The following RASA3 variants were observed in gnomAD, a reference collection of about 807,000 sequenced individuals.
The protein encoded by RASA3 is RAS p21 protein activator 3.
Under a neutral mutation model 110.0 loss-of-function variants are expected in RASA3, and 73 were observed. That is an observed-to-expected ratio of 0.66 (90% CI 0.55 to 0.81). The LOEUF (loss-of-function observed/expected upper bound fraction) is 0.81. RASA3 is among the 30% of genes least tolerant of loss of function. RASA3 has a pLI of 0.00. For synonymous variants in RASA3, 500 were observed against 451.4 expected (o/e 1.11, Z -1.37); for missense variants, 976 against 1,113.2 (o/e 0.88, Z 1.75).
chr13:114,087,564 C>A (rs1190459322), intron 1 of RASA3, among the ~76,000 whole-genome samples: 1 of 152,254 alleles, frequency 6.6e-6, no homozygotes, highest in Non-Finnish European at 1.5e-5. Context: ...CCTGCACCCG[C>A]TCTGCAGCCC....
chr13:113,983,161 C>T (rs61967984), intron 22 of RASA3, among the ~76,000 whole-genome samples: 19,244 of 139,968 alleles, frequency 0.14, 1,692 homozygotes, highest in Middle Eastern at 0.21. Context: ...GCTGGGGGCT[C>T]GGGAGAGGAG....
chr13:114,104,018 C>T (rs1232943010), intron 1 of RASA3, among the ~76,000 whole-genome samples: 1 of 52,236 alleles, frequency 1.9e-5, no homozygotes, highest in African/African-American at 6.6e-5. Flanking sequence ...TTCACACTGC[C>T]CCCGGCCACA....
At chr13:114,043,896 CCG>C (rs1210841779) in intron 3 of RASA3, among the ~76,000 whole-genome samples, 7 of 22,264 alleles carry the variant, frequency 3.1e-4, no homozygotes, top group Non-Finnish European at 5.0e-4. Context: ...CTGAGCCCCC[CCG>C]CCCCGCCTCA....
chr13:114,055,988 A>G (rs1418605653), intron 2 of RASA3, among the ~76,000 whole-genome samples: 5 of 152,204 alleles, frequency 3.3e-5, no homozygotes, highest in African/African-American at 7.2e-5. Flanking sequence ...GACGCCCTCC[A>G]TTGGCACAAA....
At chr13:114,032,429 C>T (rs1346633326) in intron 4 of RASA3, among the ~76,000 whole-genome samples, 2 of 152,156 alleles carry the variant, frequency 1.3e-5, no homozygotes, top group African/African-American at 2.4e-5. Flanking sequence ...CATACGGCCT[C>T]CATGTACTGA....
Position 114,027,915 on chromosome 13 carries a change from G to A in RASA3, c.462C>T (p.Cys154=). 1.2e-6 allele frequency: 2 copies of A among 1,613,646 alleles called. No individual in the cohort carries two copies. The highest frequency in any genetic ancestry group is 8.5e-7 in the Non-Finnish European group (1 of 1,179,764). The part of the protein sequence containing the change: ...CHKLATRIVE[C]QGLPIVNGQC... The stretch of plus-strand genomic sequence containing the variant: ...GCCCATTCACGATGGGGAGGCCCTG[G>A]CACTCGACGATGCTGAGGAGAGAAG... The change falls in exon 6 of 24, where the codon TGC becomes TGT. Residue 154 remains cysteine, a synonymous_variant. Transcript: ENST00000334062.
At chr13:114,045,726 T>C (rs2079042957) in intron 3 of RASA3, among the ~76,000 whole-genome samples, 1 of 152,234 alleles carries the variant, frequency 6.6e-6, no homozygotes. Flanking sequence ...ACTGCGTTTG[T>C]ACATACAAGC....
chr13:114,016,630 C>T (rs971588219), intron 12 of RASA3, among the ~76,000 whole-genome samples: 4 of 152,212 alleles, frequency 2.6e-5, no homozygotes, highest in Admixed American at 6.5e-5. Context: ...CGCGATCAGA[C>T]GAATCGGGCT....
At chr13:114,099,526 T>C (rs2079995121) in intron 1 of RASA3, among the ~76,000 whole-genome samples, 2 of 151,312 alleles carry the variant, frequency 1.3e-5, no homozygotes, top group African/African-American at 2.4e-5. Context: ...ACACAGCGCG[T>C]CTCCCTCCTT....
At position 114,091,686 on chromosome 13, in the gene RASA3, C is replaced by T. The variant is rs191366901; in HGVS notation, c.56-17849G>A. 3.5e-3 allele frequency among the ~76,000 whole-genome samples: 538 copies of T among 151,660 alleles called. 5 individuals are homozygous for T. Among genetic ancestry groups the T allele is most frequent in the Non-Finnish European group, 2.5e-3 (172 of 67,964 alleles). ...CTTTAGTTTTCTTTTTGTGTTGTGTCCTTGTCTGGTTTGGGTATCAGGTAA... is the reference window on the plus strand; with the variant it reads ...CTTTAGTTTTCTTTTTGTGTTGTGTTCTTGTCTGGTTTGGGTATCAGGTAA... On this transcript the variant is annotated intron_variant, in intron 1 of 23. Coordinates refer to ENST00000334062, the MANE Select transcript of RASA3 (RefSeq NM_007368.4).
chr13:114,021,729 G>A (rs2053930889), intron 8 of RASA3, among the ~76,000 whole-genome samples: 1 of 152,212 alleles, frequency 6.6e-6, no homozygotes. Flanking sequence ...GGCAGGCAGA[G>A]GAAGGCGGAA....
At chr13:113,990,816 CAT>C (rs2053091839) in intron 22 of RASA3, among the ~76,000 whole-genome samples, 1 of 152,262 alleles carries the variant, frequency 6.6e-6, no homozygotes, top group African/African-American at 2.4e-5. Flanking sequence ...TCTGCACACA[CAT>C]GTACCTGTAT....
chr13:114,059,431 G>A (rs1286019806), intron 2 of RASA3, among the ~76,000 whole-genome samples: 2 of 151,472 alleles, frequency 1.3e-5, no homozygotes, highest in African/African-American at 4.8e-5. Context: ...AGGTACCCAG[G>A]AGGCACAGGT....
chr13:114,115,514 C>T lies in RASA3; in HGVS notation c.55+16921G>A, dbSNP rs757681994. On this transcript the variant is annotated intron_variant, in intron 1 of 23. Coordinates refer to ENST00000334062, the MANE Select transcript of RASA3 (RefSeq NM_007368.4). The surrounding 1 kb of genome is among the most constrained non-coding windows in gnomAD (Gnocchi z 5.0). ...TGATTCATTAATACTCACTTCCTGTCGCAAGAGACTCATGCCCTAGAGATA... is the reference window on the plus strand; with the variant it reads ...TGATTCATTAATACTCACTTCCTGTTGCAAGAGACTCATGCCCTAGAGATA... Among the ~76,000 whole-genome samples, 42 of 152,216 alleles carry T rather than the reference C, an allele frequency of 2.8e-4. No homozygotes were observed. Among genetic ancestry groups the T allele is most frequent in the Admixed American group, 1.5e-3 (23 of 15,286 alleles).
At chr13:113,980,381 G>T (rs1380144461) in intron 23 of RASA3, among the ~76,000 whole-genome samples, 1 of 120,452 alleles carries the variant, frequency 8.3e-6, no homozygotes, top group African/African-American at 3.2e-5. Flanking sequence ...CCGTGTGTGT[G>T]CCTCCTCCCA....
At chr13:114,066,999 C>T (rs546116469) in intron 2 of RASA3, among the ~76,000 whole-genome samples, 1 of 147,594 alleles carries the variant, frequency 6.8e-6, no homozygotes, top group Non-Finnish European at 1.5e-5. Flanking sequence ...GAGGACGGGC[C>T]CCCCAACCTG....
rs2052812336 is a variant in RASA3, at chr13:113,977,969, G to A, written c.*1378C>T. 6.6e-6 allele frequency: 1 copy of A among 152,232 alleles called. No homozygotes were observed. The highest frequency in any genetic ancestry group is 2.4e-5 in the African/African-American group (1 of 41,452). 9.4% of individuals were successfully genotyped at this position (152,232 alleles called of 1,614,324 possible). ...CCTCCAGTATTTTTGTGACAAGAAAGTTCCTATCTGCCATCTAGATCAAGA... is the reference window on the plus strand; with the variant it reads ...CCTCCAGTATTTTTGTGACAAGAAAATTCCTATCTGCCATCTAGATCAAGA... On this transcript the variant is annotated 3_prime_UTR_variant, in exon 24 of 24. Transcript: ENST00000334062.
rs539622457 is a variant in RASA3 at position 114,116,663 on chromosome 13, CT to C, written c.55+15771del. On this transcript the variant is annotated intron_variant, in intron 1 of 23. Coordinates refer to ENST00000334062, the MANE Select transcript of RASA3 (RefSeq NM_007368.4). ...ATAATTTTGCTTAATGAAAAATTAA[CT>C]CTGCAAATACAGTTTCCACTATTCA... Among the ~76,000 whole-genome samples, 4 of 152,356 alleles carry C rather than the reference CT, an allele frequency of 2.6e-5. No individual in the cohort carries two copies. In the South Asian group the frequency reaches 8.3e-4, roughly 32 times the overall value.
At chr13:114,013,779 T>C in intron 14 of RASA3, among the ~76,000 whole-genome samples, 1 of 149,424 alleles carries the variant, frequency 6.7e-6, no homozygotes, top group Non-Finnish European at 1.5e-5. Flanking sequence ...TCTCTCTCCC[T>C]CTCTGTCTCT....
Sources: allele counts gnomAD v4.1 joint callset (sites outside exome capture counted in the v4.1 genomes callset), GRCh38; gene constraint gnomAD v4.1.1; non-coding constraint Gnocchi (gnomAD v3.1); transcripts MANE v1.5; gene names NCBI Gene and HGNC (gene_info 2026-07-23, HGNC 2026-07-21).